DCLK1: variants seen among roughly 807,000 people sequenced by gnomAD.
DCLK1 encodes the protein doublecortin like kinase 1.
DCLK1 carries 16 observed loss-of-function variants against 86.2 expected under a neutral mutation model. That is an observed-to-expected ratio of 0.19 (90% confidence interval 0.13 to 0.28). The LOEUF (loss-of-function observed/expected upper bound fraction) is 0.28, where lower values mean the gene tolerates loss of function less well. Among genes scored for constraint, DCLK1 ranks in the 10% least tolerant of loss-of-function variants. The pLI is 1.00. For synonymous variants in DCLK1, 369 were observed against 370.5 expected (o/e 1.00, Z 0.05); for missense variants, 590 against 940.2 (o/e 0.63, Z 4.87).
chr13:36,017,349 T>G (rs1881577899), intron 3 of DCLK1, among the ~76,000 whole-genome samples: 1 of 152,160 alleles, frequency 6.6e-6, no homozygotes, highest in African/African-American at 2.4e-5. Flanking sequence ...GAGCAAAATG[T>G]CATTTAGACT....
At chr13:36,004,508 A>G (rs1172429642) in intron 3 of DCLK1, among the ~76,000 whole-genome samples, 1 of 152,192 alleles carries the variant, frequency 6.6e-6, no homozygotes, top group Non-Finnish European at 1.5e-5. Flanking sequence ...CAACAAGAAA[A>G]TTAATAAATT....
At chr13:35,962,961 G>T (rs536412012) in intron 3 of DCLK1, among the ~76,000 whole-genome samples, 2 of 152,186 alleles carry the variant, frequency 1.3e-5, no homozygotes, top group Non-Finnish European at 2.9e-5. Context: ...ATATTCAGAA[G>T]AGTGAACTAA....
chr13:35,974,790 A>C (rs1000836336), intron 3 of DCLK1, among the ~76,000 whole-genome samples: 3 of 152,156 alleles, frequency 2.0e-5, no homozygotes, highest in African/African-American at 7.2e-5. Context: ...TGTAAGAACA[A>C]ACTAATATAG....
At chr13:36,013,636 TCAGA>T (rs974324088) in intron 3 of DCLK1, among the ~76,000 whole-genome samples, 6 of 152,152 alleles carry the variant, frequency 3.9e-5, no homozygotes, top group Non-Finnish European at 8.8e-5. Context: ...TTCAAAGCTG[TCAGA>T]CAGGGACATT....
chr13:35,936,962 CTTTTTTTTTTTT>C lies in DCLK1; in HGVS notation c.823+10384_823+10395del, dbSNP rs140269668. Among the ~76,000 whole-genome samples, 3 of 65,712 alleles carry C rather than the reference CTTTTTTTTTTTT, an allele frequency of 4.6e-5. 1 individual carries two copies. The highest frequency in any genetic ancestry group is 1.6e-4 in the African/African-American group (3 of 18,860). 43.1% of individuals were successfully genotyped at this position (65,712 alleles called of 152,430 possible). A position where few individuals can be genotyped will look rare whatever the true frequency, so the allele number is the denominator to read the frequency against. ...TTAAAACATCCAAAAGAAAAGTTAG[CTTTTTTTTTTTT>C]TTTTTTTTTTTTTGAGACGGAGTCT... On this transcript the variant is annotated intron_variant, in intron 4 of 16. Coordinates refer to ENST00000360631, the MANE Select transcript of DCLK1 (RefSeq NM_001330071.2).
intron 11 of DCLK1, among the ~76,000 whole-genome samples, chr13:35,812,929 GAGTTA>G (rs1479323409): frequency 6.6e-6 from 1 of 152,208 alleles, no homozygotes; most frequent in Non-Finnish European, 1.5e-5. Flanking sequence ...TGGTCACTTA[GAGTTA>G]AGTTAAAAAC....
intron 3 of DCLK1, among the ~76,000 whole-genome samples, chr13:36,036,430 T>A (rs528921308): frequency 5.7e-4 from 87 of 152,326 alleles, no homozygotes; most frequent in African/African-American, 2.0e-3. Context: ...AAGCCCCAGT[T>A]TGGGGGCTTG....
intron 11 of DCLK1, among the ~76,000 whole-genome samples, chr13:35,815,319 T>C (rs557031807): frequency 1.3e-5 from 2 of 152,210 alleles, no homozygotes; most frequent in Admixed American, 6.5e-5. Context: ...CATAAAATAA[T>C]ATGAAAATTC....
intron 6 of DCLK1, among the ~76,000 whole-genome samples, chr13:35,851,995 A>ATGTGTGTGTGTGTGTGTGTG (rs1555344390): frequency 1.1e-4 from 16 of 143,542 alleles, no homozygotes; most frequent in African/African-American, 4.0e-4. Context: ...ATGTGTGTGT[A>ATGTGTGTGTGTGTGTGTGTG]TGTGTGTGTG....
chr13:35,865,735 T>A (rs1212564760), intron 5 of DCLK1, among the ~76,000 whole-genome samples: 1 of 152,178 alleles, frequency 6.6e-6, no homozygotes, highest in Non-Finnish European at 1.5e-5. Context: ...TAAATCACTT[T>A]GAACCTCTTT....
intron 3 of DCLK1, among the ~76,000 whole-genome samples, chr13:36,103,294 G>C (rs1885283664): frequency 6.6e-6 from 1 of 151,694 alleles, no homozygotes. Flanking sequence ...CCAGCTACTT[G>C]GGAGGCTGAG....
At chr13:36,055,212 T>C (rs1478160727) in intron 3 of DCLK1, among the ~76,000 whole-genome samples, 3 of 151,966 alleles carry the variant, frequency 2.0e-5, no homozygotes, top group Admixed American at 6.6e-5. Flanking sequence ...AATGGGTAAA[T>C]GGATAAATAA....
At chr13:36,108,910 C>A (rs1216639184) in intron 3 of DCLK1, among the ~76,000 whole-genome samples, 1 of 152,170 alleles carries the variant, frequency 6.6e-6, no homozygotes, top group Non-Finnish European at 1.5e-5. Flanking sequence ...AGGTGCCACC[C>A]CACTATGGCC....
chr13:36,125,699 C>A, intron 2 of DCLK1, 63 bp downstream of exon 2: 1 of 1,554,976 alleles, frequency 6.4e-7, no homozygotes. Flanking sequence ...GAATCGGCTA[C>A]AACACTGGAA....
chr13:35,870,742 A>AG (rs1367818602), intron 5 of DCLK1, among the ~76,000 whole-genome samples: 1 of 152,212 alleles, frequency 6.6e-6, no homozygotes, highest in Non-Finnish European at 1.5e-5. Context: ...AGACAGGCTC[A>AG]GGCCAAGGTC....
chr13:35,915,704 A>ACAATCTAG (rs1875364230), intron 4 of DCLK1, among the ~76,000 whole-genome samples: 8 of 152,194 alleles, frequency 5.3e-5, no homozygotes, highest in Admixed American at 3.3e-4. Flanking sequence ...CCCACCTCAA[A>ACAATCTAG]AACAAACAAA....
At chr13:35,972,071 A>G (rs529855453) in intron 3 of DCLK1, among the ~76,000 whole-genome samples, 44 of 152,288 alleles carry the variant, frequency 2.9e-4, no homozygotes, top group African/African-American at 1.1e-3. Flanking sequence ...TGGTGACCAC[A>G]GACTTGGATA....
intron 3 of DCLK1, among the ~76,000 whole-genome samples, chr13:36,021,011 ACTTTT>A (rs1881754042): frequency 6.6e-6 from 1 of 152,192 alleles, no homozygotes; most frequent in African/African-American, 2.4e-5. Context: ...GGTTTGTAAC[ACTTTT>A]CTTCTATCTG....
chr13:35,805,123 C>A (rs911153347), intron 15 of DCLK1, among the ~76,000 whole-genome samples: 5 of 152,160 alleles, frequency 3.3e-5, no homozygotes, highest in African/African-American at 1.2e-4. Flanking sequence ...CTAATCTGGA[C>A]CGCAGAAAGC....
Sources: allele counts gnomAD v4.1 joint callset (sites outside exome capture counted in the v4.1 genomes callset), GRCh38; gene constraint gnomAD v4.1.1; transcripts MANE v1.5; gene names NCBI Gene and HGNC (gene_info 2026-07-23, HGNC 2026-07-21).